CSNK1D: variants seen among roughly 807,000 people sequenced by gnomAD.
CSNK1D encodes the protein casein kinase I isoform delta.
CSNK1D carries 16 observed loss-of-function variants against 46.6 expected under a neutral mutation model. That is an observed-to-expected ratio of 0.34 (90% CI 0.23 to 0.52). The LOEUF (loss-of-function observed/expected upper bound fraction) is 0.52. CSNK1D is among the 20% of genes least tolerant of loss of function. CSNK1D has a pLI of 0.95. For synonymous variants in CSNK1D, 276 were observed against 228.2 expected (o/e 1.21, Z -1.89); for missense variants, 398 against 578.4 (o/e 0.69, Z 3.20).
chr17:82,240,711 A>G (rs577912640), downstream of CSNK1D, among the ~76,000 whole-genome samples: 2 of 152,288 alleles, frequency 1.3e-5, no homozygotes, highest in East Asian at 3.9e-4. Context: ...CTGCTCCCGG[A>G]CAGACATGCC....
intron 2 of CSNK1D, 149 bp downstream of exon 2, chr17:82,265,537 G>C: frequency 4.3e-6 from 3 of 702,630 alleles, no homozygotes. Context: ...TCTGAAGGAA[G>C]CTGTGACTGC....
At chr17:82,269,033 G>T (rs2051549479) in intron 1 of CSNK1D, among the ~76,000 whole-genome samples, 1 of 151,012 alleles carries the variant, frequency 6.6e-6, no homozygotes, top group African/African-American at 2.4e-5. Flanking sequence ...GAAGGCAGGG[G>T]TTGCAGTGAG....
chr17:82,241,685 G>T (rs1257111338), downstream of CSNK1D, among the ~76,000 whole-genome samples: 1 of 152,210 alleles, frequency 6.6e-6, no homozygotes, highest in Non-Finnish European at 1.5e-5. Context: ...CTCAGTCTGG[G>T]GCAGCAAGAG....
rs529816523 is a variant in CSNK1D, at chr17:82,243,997, C to G, written c.*784G>C. The G allele has an allele frequency of 2.1e-5, 21 of 986,816 alleles. No homozygotes were observed. The highest frequency in any genetic ancestry group is 2.5e-5 in the Non-Finnish European group (21 of 830,960). The allele number at this position is 986,816 out of a possible 1,614,324, so 61.1% of individuals were successfully genotyped here. A position where few individuals can be genotyped will look rare whatever the true frequency, so the allele number is the denominator to read the frequency against. ...GCAGTGCTTTGCCTGGTAACACCCA[C>G]TGCACCCCTGCCCCGCGGCAGCCTG... On this transcript the variant is annotated 3_prime_UTR_variant, in exon 9 of 9. Transcript: ENST00000314028.
chr17:82,246,835 C>G (rs2050863162), intron 8 of CSNK1D: 11 of 986,344 alleles, frequency 1.1e-5, no homozygotes, highest in African/African-American at 1.7e-5. Flanking sequence ...GGAAGACTGG[C>G]CGGGGATGAG....
intron 8 of CSNK1D, chr17:82,247,965 C>G: frequency 1.0e-6 from 1 of 985,462 alleles, no homozygotes; most frequent in Non-Finnish European, 1.2e-6. Context: ...TCCTGGCTAG[C>G]CAGCTACACC....
intron 1 of CSNK1D, among the ~76,000 whole-genome samples, chr17:82,269,357 G>A (rs1334402663): frequency 1.3e-5 from 2 of 152,106 alleles, no homozygotes; most frequent in Non-Finnish European, 2.9e-5. Context: ...GTCAACAGAG[G>A]CTACAGCCCT....
intron 8 of CSNK1D, chr17:82,245,377 G>A (rs1033659090): frequency 4.1e-6 from 1 of 246,484 alleles, no homozygotes; most frequent in Admixed American, 5.1e-5. Context: ...GCTGCGGCTG[G>A]AGGAGTTAAT....
At position 82,252,312 on chromosome 17, in the gene CSNK1D, A is replaced by T; in HGVS notation, c.736+122T>A. On this transcript the variant is annotated intron_variant, in intron 5 of 8. Coordinates refer to ENST00000314028, the MANE Select transcript of CSNK1D (RefSeq NM_001893.6). The surrounding 1 kb of genome is among the most constrained non-coding windows in gnomAD (Gnocchi z 4.6). ...CACAAAAGCGCCCCGCTTTCCTGCCACCACCCCTTTGGAAGGTGAGCAACT... is the reference window on the plus strand; with the variant it reads ...CACAAAAGCGCCCCGCTTTCCTGCCTCCACCCCTTTGGAAGGTGAGCAACT... The T allele has an allele frequency of 8.6e-7, 1 of 1,161,196 alleles. No individual in the cohort carries two copies. The highest frequency in any genetic ancestry group is 1.3e-6 in the Non-Finnish European group (1 of 771,180). 71.9% of individuals were successfully genotyped at this position (1,161,196 alleles called of 1,614,324 possible).
chr17:82,243,437 G>A lies in CSNK1D; in HGVS notation c.*1344C>T, dbSNP rs544831925. The A allele has an allele frequency of 1.3e-4, 133 of 985,536 alleles. No homozygotes were observed. The highest frequency in any genetic ancestry group is 1.5e-4 in the Non-Finnish European group (126 of 829,992). 61.0% of individuals were successfully genotyped at this position (985,536 alleles called of 1,614,324 possible). ...GGAGTGAGAGGCGAGAAGGCATCCT[G>A]GGAACCTCAGGGCACAGCAGCATGG... On this transcript the variant is annotated 3_prime_UTR_variant, in exon 9 of 9. Transcript: ENST00000314028.
At chr17:82,239,835 C>T, downstream of CSNK1D, 1 of 438,908 alleles carries the variant, frequency 2.3e-6, no homozygotes, top group Non-Finnish European at 3.8e-6. Context: ...GTGGTCAGTG[C>T]CCAGGGCTGG....
chr17:82,244,607 G>C lies in CSNK1D; in HGVS notation c.*174C>G, dbSNP rs1221647642. 1 of 1,525,544 alleles carries C rather than the reference G, an allele frequency of 6.6e-7. No individual in the cohort carries two copies. The highest frequency in any genetic ancestry group is 1.4e-5 in the African/African-American group (1 of 72,864). The allele number at this position is 1,525,544 out of a possible 1,614,324, so 94.5% of individuals were successfully genotyped here. ...TGCAGCCCCAGCGGTGGCAGCTCTT[G>C]GAGTCTGTCCGTTTAGTATGTTTCC... On this transcript the variant is annotated 3_prime_UTR_variant, in exon 9 of 9. Coordinates refer to ENST00000314028, the MANE Select transcript of CSNK1D (RefSeq NM_001893.6).
At position 82,250,136 on chromosome 17, in the gene CSNK1D, A is replaced by G; in HGVS notation, c.886-534T>C. 1 of 1,290,362 alleles carries G rather than the reference A, an allele frequency of 7.7e-7. No homozygotes were observed. Among genetic ancestry groups the G allele is most frequent in the Non-Finnish European group, 1.0e-6 (1 of 989,256 alleles). 79.9% of individuals were successfully genotyped at this position (1,290,362 alleles called of 1,614,324 possible). ...GCCGGATCTGTGCTGCACTATCCAG[A>G]TGCACGGGGGTGGGGAGGTCAGATT... On this transcript the variant is annotated intron_variant, in intron 6 of 8. Coordinates refer to ENST00000314028, the MANE Select transcript of CSNK1D (RefSeq NM_001893.6). The surrounding 1 kb of genome is among the most constrained non-coding windows in gnomAD (Gnocchi z 4.6).
In CSNK1D at chr17:82,248,743, C is replaced by A. The variant is rs2050915451; in HGVS notation, c.1197+132G>T. Reference sequence around the variant, plus strand: ...CTCATCTGCAACCAAGACGCCACACCCTGGCGAGATTAAAAACTCTCAAAA... The same window carrying A: ...CTCATCTGCAACCAAGACGCCACACACTGGCGAGATTAAAAACTCTCAAAA... On this transcript the variant is annotated intron_variant, in intron 8 of 8. Coordinates refer to ENST00000314028, the MANE Select transcript of CSNK1D (RefSeq NM_001893.6). The surrounding 1 kb of genome is among the most constrained non-coding windows in gnomAD (Gnocchi z 4.1). 1 of 1,506,790 alleles carries A rather than the reference C, an allele frequency of 6.6e-7. No homozygotes were observed. Among genetic ancestry groups the A allele is most frequent in the East Asian group, 2.5e-5 (1 of 40,484 alleles). 93.3% of individuals were successfully genotyped at this position (1,506,790 alleles called of 1,614,324 possible).
At chr17:82,245,071 G>A (rs1343416279) in intron 8 of CSNK1D, 44 of 616,552 alleles carry the variant, frequency 7.1e-5, no homozygotes, top group Non-Finnish European at 1.1e-4. Context: ...CCGCGGAGCC[G>A]GGCTCGGCAG....
At chr17:82,262,373 A>C (rs546957790) in intron 2 of CSNK1D, among the ~76,000 whole-genome samples, 12 of 152,240 alleles carry the variant, frequency 7.9e-5, no homozygotes, top group Non-Finnish European at 1.5e-4. Flanking sequence ...ATAAGGCTGA[A>C]GAGCTCAGTA....
rs2050775052 is a variant in CSNK1D at position 82,243,406 on chromosome 17, T to G, written c.*1375A>C. 1 of 985,366 alleles carries G rather than the reference T, an allele frequency of 1.0e-6. No individual in the cohort carries two copies. Among genetic ancestry groups the G allele is most frequent in the South Asian group, 4.7e-5 (1 of 21,292 alleles). The allele number at this position is 985,366 out of a possible 1,614,324, so 61.0% of individuals were successfully genotyped here. A position where few individuals can be genotyped will look rare whatever the true frequency, so the allele number is the denominator to read the frequency against. ...ACATGGCCACTGGCTACCGCCCAAGTGCTGCGGAGTGAGAGGCGAGAAGGC... is the reference window on the plus strand; with the variant it reads ...ACATGGCCACTGGCTACCGCCCAAGGGCTGCGGAGTGAGAGGCGAGAAGGC... On this transcript the variant is annotated 3_prime_UTR_variant, in exon 9 of 9. Coordinates refer to ENST00000314028, the MANE Select transcript of CSNK1D (RefSeq NM_001893.6).
At chr17:82,262,019 T>C (rs76390553) in intron 2 of CSNK1D, among the ~76,000 whole-genome samples, 1,851 of 152,310 alleles carry the variant, frequency 0.012, 13 homozygotes, top group Non-Finnish European at 0.02. Context: ...TGGGGGATGT[T>C]AGGATTGGAA....
chr17:82,248,178 C>G lies in CSNK1D; in HGVS notation c.1197+697G>C, dbSNP rs1169888096. 3.0e-6 allele frequency: 3 copies of G among 985,422 alleles called. No individual in the cohort carries two copies. Among genetic ancestry groups the G allele is most frequent in the Non-Finnish European group, 3.6e-6 (3 of 830,002 alleles). The allele number at this position is 985,422 out of a possible 1,614,324, so 61.0% of individuals were successfully genotyped here. A position where few individuals can be genotyped will look rare whatever the true frequency, so the allele number is the denominator to read the frequency against. ...AACCCTGCCCCTGTTGGCGAACAAC[C>G]CAGAAAACTATTTGAAGAAATATAA... On this transcript the variant is annotated intron_variant, in intron 8 of 8. Transcript: ENST00000314028. The surrounding 1 kb of genome is among the most constrained non-coding windows in gnomAD (Gnocchi z 4.1).
Sources: allele counts gnomAD v4.1 joint callset (sites outside exome capture counted in the v4.1 genomes callset), GRCh38; gene constraint gnomAD v4.1.1; non-coding constraint Gnocchi (gnomAD v3.1); transcripts MANE v1.5; gene names NCBI Gene and HGNC (gene_info 2026-07-23, HGNC 2026-07-21).